The following TTC23L variants were observed in gnomAD, a reference collection of about 807,000 sequenced individuals.
TTC23L encodes the protein tetratricopeptide repeat domain 23 like.
TTC23L carries 42 observed loss-of-function variants against 48.1 expected under a neutral mutation model. The observed-to-expected ratio is 0.87, with a 90% CI of 0.68 to 1.13. TTC23L has a LOEUF of 1.13. TTC23L is among the 50% of genes most tolerant of loss of function. The probability of loss-of-function intolerance (pLI) is 0.00; values close to 1 mark genes in which losing one functional copy is unlikely to be tolerated. For missense variants in TTC23L, 391 were observed against 421.0 expected (o/e 0.93, Z 0.62); for synonymous variants, 159 against 157.2 (o/e 1.01, Z -0.09).
the TTC23L span, chr5:34,911,809 G>A: frequency 6.2e-7 from 1 of 1,614,014 alleles, no homozygotes; most frequent in African/African-American, 1.3e-5. Context: ...TGCAGTTAAA[G>A]TCCCTGCAAT....
At chr5:34,875,929 A>G (rs1761804141) in intron 8 of TTC23L, among the ~76,000 whole-genome samples, 1 of 152,228 alleles carries the variant, frequency 6.6e-6, no homozygotes. Flanking sequence ...GAAAATGTAC[A>G]ATGTCTGCTC....
At chr5:34,892,773 A>G (rs1411086387) in intron 9 of TTC23L, among the ~76,000 whole-genome samples, 1 of 152,116 alleles carries the variant, frequency 6.6e-6, no homozygotes. Flanking sequence ...GATACCCGAT[A>G]TTGCTGAGGA....
chr5:34,858,475 A>G (rs528969466), intron 4 of TTC23L, among the ~76,000 whole-genome samples: 1 of 152,264 alleles, frequency 6.6e-6, no homozygotes, highest in Non-Finnish European at 1.5e-5. Flanking sequence ...AAAATATAAA[A>G]AGAGCTCTTT....
chr5:34,860,929 T>G (rs1198017041), intron 4 of TTC23L: 1 of 160,870 alleles, frequency 6.2e-6, no homozygotes. Flanking sequence ...CCCACATGGA[T>G]AGTTGTGCCG....
intron 9 of TTC23L, among the ~76,000 whole-genome samples, chr5:34,881,026 A>T (rs906294243): frequency 6.6e-6 from 1 of 152,090 alleles, no homozygotes; most frequent in Non-Finnish European, 1.5e-5. Context: ...ATTTTTGGTG[A>T]TCTAAATAAA....
intron 2 of TTC23L, among the ~76,000 whole-genome samples, chr5:34,842,942 C>A (rs1758811923): frequency 6.6e-6 from 1 of 152,166 alleles, no homozygotes; most frequent in Non-Finnish European, 1.5e-5. Context: ...TCTCATGCCT[C>A]AGCCTCCTGA....
intron 8 of TTC23L, chr5:34,869,340 T>C (rs1411874967): frequency 2.2e-5 from 5 of 231,604 alleles, no homozygotes; most frequent in Non-Finnish European, 3.5e-5. Flanking sequence ...GGACATCCAG[T>C]GATAAATGGG....
chr5:34,901,388 T>C (rs1382223322), downstream of TTC23L, among the ~76,000 whole-genome samples: 1 of 152,224 alleles, frequency 6.6e-6, no homozygotes, highest in Non-Finnish European at 1.5e-5. Flanking sequence ...GTTTGAACCT[T>C]CTGAAACACT....
intron 10 of TTC23L, among the ~76,000 whole-genome samples, chr5:34,898,561 TGAGACCCC>T (rs1158320584): frequency 6.6e-6 from 1 of 152,186 alleles, no homozygotes; most frequent in East Asian, 1.9e-4. Flanking sequence ...TCTGAATTTA[TGAGACCCC>T]TGGGCAACTA....
At chr5:34,914,068 C>A in the TTC23L span, 16 of 454,086 alleles carry the variant, frequency 3.5e-5, no homozygotes, top group South Asian at 2.5e-4. Context: ...CCTCTCTATC[C>A]CTGAGATCAT....
chr5:34,921,110 G>C, the TTC23L span: 2 of 152,150 alleles, frequency 1.3e-5, no homozygotes, highest in African/African-American at 2.4e-5. Context: ...CAAAGTGCTG[G>C]GGTTATAGGC....
At chr5:34,850,817 A>G (rs996871188) in intron 4 of TTC23L, among the ~76,000 whole-genome samples, 2 of 152,216 alleles carry the variant, frequency 1.3e-5, no homozygotes, top group Non-Finnish European at 2.9e-5. Context: ...GTACTCTAGT[A>G]TAAGAGAATA....
the TTC23L span, chr5:34,922,655 A>G: frequency 6.3e-7 from 1 of 1,594,804 alleles, no homozygotes; most frequent in Admixed American, 1.7e-5. Flanking sequence ...TAGTTGTGCA[A>G]AAGTTACAAC....
chr5:34,840,239 G>GGC (rs1554016494), intron 1 of TTC23L, among the ~76,000 whole-genome samples: 1 of 138,188 alleles, frequency 7.2e-6, no homozygotes, highest in Non-Finnish European at 1.6e-5. Context: ...AATGACCCCG[G>GGC]GGGGGGGGGG....
At position 34,888,417 on chromosome 5, in the gene TTC23L, C is replaced by T. The variant is rs761408740; in HGVS notation, c.1077+8109C>T. The T allele has an allele frequency of 8.1e-4, 769 of 945,494 alleles. 2 individuals are homozygous for T. The highest frequency in any genetic ancestry group is 9.4e-4 in the Non-Finnish European group (743 of 793,656). The allele number at this position is 945,494 out of a possible 1,614,324, so 58.6% of individuals were successfully genotyped here. On this transcript the variant is annotated intron_variant, in intron 9 of 10. Transcript: ENST00000505624. ...GGTTTGCAGTTAAGGTGCTTGCTAT[C>T]TGATTCTCTTTAACCTGTTGTTTCT...
At chr5:34,922,114 G>A in the TTC23L span, 1 of 611,738 alleles carries the variant, frequency 1.6e-6, no homozygotes, top group Non-Finnish European at 2.8e-6. Context: ...TATTAGCCTG[G>A]TTAGGTATTT....
At position 34,896,759 on chromosome 5, in the gene TTC23L, A is replaced by T; in HGVS notation, c.1078-11A>T. 1.3e-6 allele frequency: 1 copy of T among 769,710 alleles called. No individual in the cohort carries two copies. Among genetic ancestry groups the T allele is most frequent in the Non-Finnish European group, 2.4e-6 (1 of 412,780 alleles). The allele number at this position is 769,710 out of a possible 1,614,324, so 47.7% of individuals were successfully genotyped here. A position where few individuals can be genotyped will look rare whatever the true frequency, so the allele number is the denominator to read the frequency against. On this transcript the variant is annotated splice_polypyrimidine_tract_variant and intron_variant, in intron 9 of 10. Transcript: ENST00000505624. ...TCATAGAGAGGGTGACATTTGAGCCATTTCTTAAAGGACAAGTAGCAGTTC... is the reference window on the plus strand; with the variant it reads ...TCATAGAGAGGGTGACATTTGAGCCTTTTCTTAAAGGACAAGTAGCAGTTC...
chr5:34,848,659 G>A (rs760798972), intron 3 of TTC23L, among the ~76,000 whole-genome samples: 24 of 152,166 alleles, frequency 1.6e-4, no homozygotes, highest in Admixed American at 5.9e-4. Flanking sequence ...GAAAGTGAAT[G>A]ACATGGAAGA....
the TTC23L span, chr5:34,911,493 TG>T: frequency 6.4e-7 from 1 of 1,552,890 alleles, no homozygotes; most frequent in South Asian, 1.2e-5. Flanking sequence ...CCTAAGCAAA[TG>T]TCTAAGTGGG....
Sources: allele counts gnomAD v4.1 joint callset (sites outside exome capture counted in the v4.1 genomes callset), GRCh38; gene constraint gnomAD v4.1.1; transcripts MANE v1.5; gene names NCBI Gene and HGNC (gene_info 2026-07-23, HGNC 2026-07-21).